The following MAP3K5 variants were observed in gnomAD, a reference collection of about 807,000 sequenced individuals.
MAP3K5 encodes ASK-1.
Under a neutral mutation model 158.7 loss-of-function variants are expected in MAP3K5, and 56 were observed. That is an observed-to-expected ratio of 0.35 (90% CI 0.28 to 0.44). The LOEUF (loss-of-function observed/expected upper bound fraction) is 0.44. MAP3K5 is among the 20% of genes least tolerant of loss of function. The probability of loss-of-function intolerance (pLI) is 1.00; values close to 1 mark genes in which losing one functional copy is unlikely to be tolerated. For synonymous variants in MAP3K5, 579 were observed against 601.7 expected (o/e 0.96, Z 0.55); for missense variants, 1,294 against 1,674.8 (o/e 0.77, Z 3.97).
At chr6:136,663,619 T>C (rs1779102649) in intron 8 of MAP3K5, among the ~76,000 whole-genome samples, 1 of 150,956 alleles carries the variant, frequency 6.6e-6, no homozygotes, top group Non-Finnish European at 1.5e-5. Context: ...TTTTTTTTTT[T>C]TTTTTTTGGA....
chr6:136,686,286 G>C (rs1226646877), intron 7 of MAP3K5, among the ~76,000 whole-genome samples: 2 of 152,068 alleles, frequency 1.3e-5, no homozygotes, highest in Non-Finnish European at 2.9e-5. Context: ...AATAATAAGA[G>C]GTATTTATGA....
chr6:136,709,143 T>A (rs1186601654), intron 2 of MAP3K5, among the ~76,000 whole-genome samples: 1 of 152,220 alleles, frequency 6.6e-6, no homozygotes, highest in African/African-American at 2.4e-5. Flanking sequence ...TCACCCTACA[T>A]CATGACTTCC....
At chr6:136,782,387 T>C (rs1784655343) in intron 1 of MAP3K5, among the ~76,000 whole-genome samples, 2 of 152,064 alleles carry the variant, frequency 1.3e-5, no homozygotes, top group South Asian at 2.1e-4. Context: ...TGGTTTTATA[T>C]GGCTTGGGGT....
intron 1 of MAP3K5, among the ~76,000 whole-genome samples, 170 bp from the exon 2 acceptor site, chr6:136,720,759 T>G (rs1781715726): frequency 6.6e-6 from 1 of 152,144 alleles, no homozygotes; most frequent in East Asian, 1.9e-4. Flanking sequence ...CTGGAAGTGG[T>G]TTTATAAAAT....
chr6:136,780,525 T>C (rs950909798), intron 1 of MAP3K5, among the ~76,000 whole-genome samples: 1 of 152,216 alleles, frequency 6.6e-6, no homozygotes, highest in Non-Finnish European at 1.5e-5. Context: ...TTTATATTTG[T>C]AGAGAGTTGT....
intron 29 of MAP3K5, among the ~76,000 whole-genome samples, chr6:136,558,309 G>A (rs1037738277): frequency 7.2e-5 from 11 of 152,104 alleles, no homozygotes; most frequent in African/African-American, 2.7e-4. Context: ...AACCTGGGAG[G>A]CGGAGCTTGC....
At chr6:136,634,496 G>A (rs989365828) in intron 14 of MAP3K5, among the ~76,000 whole-genome samples, 1 of 152,056 alleles carries the variant, frequency 6.6e-6, no homozygotes, top group Non-Finnish European at 1.5e-5. Flanking sequence ...TGGGAATACT[G>A]TAGAAGCCAT....
intron 21 of MAP3K5, among the ~76,000 whole-genome samples, chr6:136,597,826 T>C (rs1020757792): frequency 6.6e-6 from 1 of 152,212 alleles, no homozygotes; most frequent in East Asian, 1.9e-4. Flanking sequence ...CATCAATAGC[T>C]TCACTGTCCA....
At chr6:136,770,847 T>C (rs1278871672) in intron 1 of MAP3K5, among the ~76,000 whole-genome samples, 1 of 152,070 alleles carries the variant, frequency 6.6e-6, no homozygotes, top group African/African-American at 2.4e-5. Context: ...TTTGACTAAT[T>C]AAAAAATCTG....
intron 14 of MAP3K5, among the ~76,000 whole-genome samples, chr6:136,628,674 G>A (rs868845697): frequency 7.9e-5 from 12 of 152,302 alleles, no homozygotes; most frequent in Middle Eastern, 3.4e-3. Context: ...AAAAGATTAT[G>A]TATTAGATAT....
rs556669612 is a variant in MAP3K5, at chr6:136,750,756, C to G, written c.449-30167G>C. Among the ~76,000 whole-genome samples, 522 of 152,298 alleles carry G rather than the reference C, an allele frequency of 3.4e-3. 1 individual carries two copies. The highest frequency in any genetic ancestry group is 0.012 in the African/African-American group (510 of 41,568). ...ATCCTGTCATTCTCACACATTTCATCTTCTTCCTCCTTCTAAAGAAAGTCA... is the reference window on the plus strand; with the variant it reads ...ATCCTGTCATTCTCACACATTTCATGTTCTTCCTCCTTCTAAAGAAAGTCA... On this transcript the variant is annotated intron_variant, in intron 1 of 29. Transcript: ENST00000359015.
chr6:136,559,282 G>A (rs759922599), intron 28 of MAP3K5, among the ~76,000 whole-genome samples: 1 of 152,220 alleles, frequency 6.6e-6, no homozygotes, highest in Non-Finnish European at 1.5e-5. Flanking sequence ...AACCCGGGAG[G>A]CAGAGGTTGC....
chr6:136,593,831 A>G, intron 21 of MAP3K5: 1 of 355,048 alleles, frequency 2.8e-6, no homozygotes, highest in Non-Finnish European at 5.5e-6. Context: ...TAGAAAAGGA[A>G]ATCCACTGTT....
At chr6:136,722,691 T>TTTTG (rs1205945419) in intron 1 of MAP3K5, among the ~76,000 whole-genome samples, 3 of 150,114 alleles carry the variant, frequency 2.0e-5, no homozygotes, top group Admixed American at 2.0e-4. Flanking sequence ...TTTTTTTTTT[T>TTTTG]TTAAGGCAGA....
At chr6:136,787,909 C>T (rs902980742) in intron 1 of MAP3K5, among the ~76,000 whole-genome samples, 1 of 152,158 alleles carries the variant, frequency 6.6e-6, no homozygotes, top group Non-Finnish European at 1.5e-5. Context: ...CTGTGGGCCA[C>T]CTGTTTTTGA....
chr6:136,722,402 T>C (rs1327862193), intron 1 of MAP3K5, among the ~76,000 whole-genome samples: 1 of 152,122 alleles, frequency 6.6e-6, no homozygotes, highest in Non-Finnish European at 1.5e-5. Context: ...TCTCTTATGA[T>C]CAATTTAAAA....
intron 8 of MAP3K5, among the ~76,000 whole-genome samples, chr6:136,661,013 G>C (rs1014093185): frequency 2.0e-5 from 3 of 151,476 alleles, no homozygotes; most frequent in Admixed American, 1.3e-4. Flanking sequence ...TCTATGAATA[G>C]AAATGTTTTT....
intron 1 of MAP3K5, among the ~76,000 whole-genome samples, chr6:136,724,447 C>T (rs1781879357): frequency 6.6e-6 from 1 of 151,982 alleles, no homozygotes; most frequent in African/African-American, 2.4e-5. Context: ...GGGGTTTCGC[C>T]ATGTTGGCCA....
At chr6:136,599,408 C>T (rs1401789108) in intron 21 of MAP3K5, among the ~76,000 whole-genome samples, 1 of 152,122 alleles carries the variant, frequency 6.6e-6, no homozygotes, top group Admixed American at 6.5e-5. Context: ...CAGGTTTACA[C>T]CGTCCATCTC....
Sources: allele counts gnomAD v4.1 joint callset (sites outside exome capture counted in the v4.1 genomes callset), GRCh38; gene constraint gnomAD v4.1.1; transcripts MANE v1.5; gene names NCBI Gene and HGNC (gene_info 2026-07-23, HGNC 2026-07-21).